GDAP2: variants seen among roughly 807,000 people sequenced by gnomAD.
GDAP2 encodes the protein ganglioside induced differentiation associated protein 2.
Under a neutral mutation model 67.0 loss-of-function variants are expected in GDAP2, and 51 were observed. That is an observed-to-expected ratio of 0.76 (90% confidence interval 0.61 to 0.96). The LOEUF is 0.96. Ranked by LOEUF, GDAP2 falls within the 40% of genes least tolerant of loss-of-function variation. The pLI, the probability that GDAP2 is intolerant of heterozygous loss-of-function variation, is 0.00. For synonymous variants in GDAP2, 203 were observed against 207.3 expected, an observed-to-expected ratio of 0.98 and a Z score of 0.18; for missense variants, 547 against 588.3, an observed-to-expected ratio of 0.93 and a Z score of 0.73.
chr1:117,891,500 G>A (rs1196222701), intron 8 of GDAP2, among the ~76,000 whole-genome samples: 1 of 151,994 alleles, frequency 6.6e-6, no homozygotes, highest in African/African-American at 2.4e-5. Context: ...GCATTTCTCT[G>A]GTCAGTAATG....
At chr1:117,891,268 T>C (rs1391764143) in intron 8 of GDAP2, among the ~76,000 whole-genome samples, 1 of 151,622 alleles carries the variant, frequency 6.6e-6, no homozygotes. Flanking sequence ...TCTCCTGGTA[T>C]ACATGTGCAT....
intron 1 of GDAP2, among the ~76,000 whole-genome samples, 195 bp downstream of exon 1, chr1:117,929,253 G>A (rs1232523429): frequency 6.6e-6 from 1 of 152,174 alleles, no homozygotes; most frequent in East Asian, 1.9e-4. Flanking sequence ...TCGTAGAGAC[G>A]GCGTCCCCGA....
At chr1:117,877,831 A>G (rs2101118822) in intron 13 of GDAP2, 178 bp downstream of exon 13, 1 of 1,261,752 alleles carries the variant, frequency 7.9e-7, no homozygotes, top group Admixed American at 4.0e-5. Flanking sequence ...CTCTTGGGAC[A>G]AATCCTTTTC....
intron 5 of GDAP2, among the ~76,000 whole-genome samples, chr1:117,911,038 T>C (rs745366069): frequency 9.2e-5 from 14 of 152,196 alleles, no homozygotes; most frequent in Non-Finnish European, 1.6e-4. Context: ...ACAGAATAAG[T>C]CCAAATGAGA....
intron 5 of GDAP2, among the ~76,000 whole-genome samples, chr1:117,910,548 A>T (rs1294695000): frequency 2.0e-5 from 3 of 152,056 alleles, no homozygotes; most frequent in Non-Finnish European, 4.4e-5. Context: ...CTCACCCTAA[A>T]CTCCAGGCTA....
At chr1:117,875,565 C>A (rs1191197160) in intron 13 of GDAP2, among the ~76,000 whole-genome samples, 1 of 152,162 alleles carries the variant, frequency 6.6e-6, no homozygotes, top group African/African-American at 2.4e-5. Flanking sequence ...CCGTCCAGAC[C>A]CAGAATTTCA....
intron 12 of GDAP2, among the ~76,000 whole-genome samples, chr1:117,878,501 A>G (rs1168703545): frequency 2.0e-5 from 3 of 152,210 alleles, no homozygotes; most frequent in Non-Finnish European, 1.5e-5. Flanking sequence ...ATTATTTGGT[A>G]GAATAATTGG....
intron 5 of GDAP2, among the ~76,000 whole-genome samples, chr1:117,907,814 T>C (rs1347218802): frequency 6.6e-6 from 1 of 152,144 alleles, no homozygotes; most frequent in African/African-American, 2.4e-5. Flanking sequence ...CTTCTCATGT[T>C]ACCCGAGTTA....
chr1:117,879,638 T>A (rs996427020), intron 12 of GDAP2, among the ~76,000 whole-genome samples: 1 of 152,202 alleles, frequency 6.6e-6, no homozygotes, highest in African/African-American at 2.4e-5. Context: ...TTATAGGGGA[T>A]AAAATAAAAG....
chr1:117,883,743 G>T, intron 10 of GDAP2, 116 bp from the exon 11 acceptor site: 1 of 629,610 alleles, frequency 1.6e-6, no homozygotes, highest in Non-Finnish European at 2.7e-6. Flanking sequence ...CTATGCCCTA[G>T]TCATCATAAA....
chr1:117,887,321 A>G (rs954674682), intron 9 of GDAP2, among the ~76,000 whole-genome samples: 10 of 152,294 alleles, frequency 6.6e-5, no homozygotes, highest in South Asian at 6.2e-4. Flanking sequence ...GAAAATTACT[A>G]AAAAGTACCG....
In GDAP2 at chr1:117,863,699, A is replaced by G. The variant is rs1044799103; in HGVS notation, c.*6870T>C. Reference sequence around the variant, plus strand: ...AATAAGCAATTTACATTGATATTCTATATTTAAATTATGTTTTATAAAAGC... The same window carrying G: ...AATAAGCAATTTACATTGATATTCTGTATTTAAATTATGTTTTATAAAAGC... On this transcript the variant is annotated 3_prime_UTR_variant, in exon 14 of 14. Transcript: ENST00000369443. 2.6e-5 allele frequency: 4 copies of G among 152,232 alleles called. No homozygotes were observed. Among genetic ancestry groups the G allele is most frequent in the African/African-American group, 9.6e-5 (4 of 41,458 alleles). The allele number at this position is 152,232 out of a possible 1,614,324, so 9.4% of individuals were successfully genotyped here.
chr1:117,900,537 G>A (rs1649414590), intron 6 of GDAP2, among the ~76,000 whole-genome samples: 3 of 152,158 alleles, frequency 2.0e-5, no homozygotes, highest in Admixed American at 2.0e-4. Context: ...GGAGGCTGAG[G>A]TGGAGGTATC....
At chr1:117,918,545 C>T in intron 3 of GDAP2, 52 bp downstream of exon 3, 1 of 1,311,006 alleles carries the variant, frequency 7.6e-7, no homozygotes. Flanking sequence ...AGGTGGAGGA[C>T]ATCAAAATGA....
intron 8 of GDAP2, among the ~76,000 whole-genome samples, chr1:117,894,888 A>G (rs905208001): frequency 3.9e-5 from 6 of 152,184 alleles, no homozygotes; most frequent in African/African-American, 1.4e-4. Flanking sequence ...CAGAAGCTTG[A>G]CAGTTCCTAA....
At chr1:117,919,967 A>G (rs1340223796) in intron 2 of GDAP2, among the ~76,000 whole-genome samples, 1 of 152,212 alleles carries the variant, frequency 6.6e-6, no homozygotes, top group Non-Finnish European at 1.5e-5. Flanking sequence ...CACTATCTTG[A>G]CTGTGGTAAT....
At chr1:117,873,349 A>G (rs1372562574) in intron 13 of GDAP2, among the ~76,000 whole-genome samples, 5 of 152,134 alleles carry the variant, frequency 3.3e-5, no homozygotes, top group African/African-American at 1.2e-4. Flanking sequence ...ATCCTATAAA[A>G]TTGATGTTGC....
Position 117,886,573 on chromosome 1 carries a change from T to C in GDAP2, c.1107+4A>G. On this transcript the variant is annotated splice_donor_region_variant and intron_variant, in intron 10 of 13. Transcript: ENST00000369443. ...TTGTAAAACAGAGCCTTTTTATGGC[T>C]TACCTTGTCCATATCTATTAATGTT... The C allele has an allele frequency of 6.8e-7, 1 of 1,467,664 alleles. No individual in the cohort carries two copies. The highest frequency in any genetic ancestry group is 9.6e-7 in the Non-Finnish European group (1 of 1,047,012). 90.9% of individuals were successfully genotyped at this position (1,467,664 alleles called of 1,614,324 possible).
In GDAP2 at chr1:117,918,608, T is replaced by TTTAA. The variant is rs745883615; in HGVS notation, c.304_305insTTAA (p.Gln102LeufsTer5). On this transcript the variant is annotated frameshift_variant, in exon 3 of 14. Coordinates refer to ENST00000369443, the MANE Select transcript of GDAP2 (RefSeq NM_017686.4). LOFTEE classifies it high-confidence loss of function. ...GAAAATTCACTCACCTTTAAGTTTC[T>TTTAA]GGAGATCTTCCTTCAAATCAGGCCC... 1 of 1,608,570 alleles carries TTTAA rather than the reference T, an allele frequency of 6.2e-7. No homozygotes were observed. The highest frequency in any genetic ancestry group is 8.5e-7 in the Non-Finnish European group (1 of 1,175,238).
Sources: gnomAD v4.1 joint callset for allele counts (sites outside exome capture counted in the v4.1 genomes callset) on GRCh38, gnomAD v4.1.1 for gene constraint, MANE v1.5 for transcripts, NCBI Gene and HGNC (gene_info 2026-07-23, HGNC 2026-07-21) for gene names.